The following ATP6V0A1 variants were observed in gnomAD, a reference collection of about 807,000 sequenced individuals.
The protein encoded by ATP6V0A1 is ATPase H+ transporting V0 subunit a1.
ATP6V0A1 carries 43 observed loss-of-function variants against 105.4 expected under a neutral mutation model. The observed-to-expected ratio is 0.41, with a 90% CI of 0.32 to 0.53. The LOEUF is 0.53. Among genes scored for constraint, ATP6V0A1 ranks in the 20% least tolerant of loss-of-function variants. The pLI is 0.30. For missense variants in ATP6V0A1, 676 were observed against 1,051.1 expected, an observed-to-expected ratio of 0.64 and a Z score of 4.93; for synonymous variants, 362 against 372.8, an observed-to-expected ratio of 0.97 and a Z score of 0.33.
intron 4 of ATP6V0A1, among the ~76,000 whole-genome samples, chr17:42,469,515 A>G (rs1472713670): frequency 6.6e-6 from 1 of 150,928 alleles, no homozygotes; most frequent in Non-Finnish European, 1.5e-5. Flanking sequence ...TTGTATTTTT[A>G]GTAGAGACGG....
chr17:42,514,106 G>A (rs1242023335), intron 20 of ATP6V0A1, 128 bp downstream of exon 20: 16 of 1,295,420 alleles, frequency 1.2e-5, no homozygotes, highest in Non-Finnish European at 1.8e-5. Context: ...TGAACCCAAG[G>A]AGAATGAGTA....
intron 21 of ATP6V0A1, 64 bp from the exon 22 acceptor site, chr17:42,520,963 T>G: frequency 2.1e-6 from 3 of 1,421,798 alleles, no homozygotes. Context: ...TGCCCAACTG[T>G]GAAGTCCTAA....
Position 42,521,171 on chromosome 17 carries a change from A to C in ATP6V0A1, c.*51A>C. The C allele has an allele frequency of 6.7e-7, 1 of 1,484,416 alleles. No individual in the cohort carries two copies. Among genetic ancestry groups the C allele is most frequent in the South Asian group, 1.2e-5 (1 of 80,034 alleles). 92.0% of individuals were successfully genotyped at this position (1,484,416 alleles called of 1,614,324 possible). On this transcript the variant is annotated 3_prime_UTR_variant, in exon 22 of 22. Coordinates refer to ENST00000343619, the MANE Select transcript of ATP6V0A1 (RefSeq NM_001130021.3). This position sits in a 1 kb window ranked among gnomAD's most constrained non-coding sequence, Gnocchi z 4.8. ...TGCTACCCTCCCCGCCTCCCTCCACAGTGATCAGCTGTGCCTCTCTGCCTG... is the reference window on the plus strand; with the variant it reads ...TGCTACCCTCCCCGCCTCCCTCCACCGTGATCAGCTGTGCCTCTCTGCCTG...
intron 9 of ATP6V0A1, among the ~76,000 whole-genome samples, chr17:42,485,085 G>A (rs572783025): frequency 6.6e-6 from 1 of 152,076 alleles, no homozygotes; most frequent in African/African-American, 2.4e-5. Context: ...CCTGACCTCA[G>A]ATGATCTGCC....
chr17:42,505,780 C>A (rs1378349121), intron 17 of ATP6V0A1, among the ~76,000 whole-genome samples: 2 of 147,840 alleles, frequency 1.4e-5, no homozygotes, highest in African/African-American at 4.9e-5. Context: ...CATCCTTTTT[C>A]ATATGTCTTT....
intron 9 of ATP6V0A1, among the ~76,000 whole-genome samples, chr17:42,484,990 C>T (rs779471202): frequency 3.6e-4 from 54 of 152,024 alleles, no homozygotes; most frequent in Non-Finnish European, 7.4e-5. Context: ...GCTGTGATTA[C>T]AGATGCCTGC....
chr17:42,518,607 C>CA (rs2092718521), intron 21 of ATP6V0A1: 2 of 152,406 alleles, frequency 1.3e-5, no homozygotes, highest in Non-Finnish European at 2.9e-5. Context: ...CTCGAGGAAA[C>CA]AGAGTTCCTG....
chr17:42,482,100 C>CA (rs2089588251), intron 8 of ATP6V0A1, among the ~76,000 whole-genome samples: 2 of 152,162 alleles, frequency 1.3e-5, no homozygotes, highest in South Asian at 2.1e-4. Flanking sequence ...CCTCAGCTCT[C>CA]AAAGTACTGG....
chr17:42,483,364 C>T (rs1265103762), intron 9 of ATP6V0A1, among the ~76,000 whole-genome samples: 1 of 151,908 alleles, frequency 6.6e-6, no homozygotes, highest in Non-Finnish European at 1.5e-5. Context: ...CATCTAGAAT[C>T]GTTGTTGCCT....
intron 21 of ATP6V0A1, 115 bp from the exon 22 acceptor site, chr17:42,520,912 G>T: frequency 1.1e-6 from 1 of 898,298 alleles, no homozygotes; most frequent in Non-Finnish European, 1.7e-6. Context: ...CTTCCCCAGG[G>T]AAGGGAGGCT....
chr17:42,480,537 T>C, intron 7 of ATP6V0A1, 130 bp from the exon 8 acceptor site: 1 of 741,698 alleles, frequency 1.3e-6, no homozygotes, highest in Non-Finnish European at 2.1e-6. Flanking sequence ...AGGGCAGTGG[T>C]TAAAATGCAG....
chr17:42,485,009 C>G (rs539314351), intron 9 of ATP6V0A1, among the ~76,000 whole-genome samples: 1 of 152,156 alleles, frequency 6.6e-6, no homozygotes, highest in African/African-American at 2.4e-5. Flanking sequence ...GCCACCATAC[C>G]TGGCTAATTT....
At chr17:42,463,250 A>AT (rs1324185458) in intron 2 of ATP6V0A1, among the ~76,000 whole-genome samples, 5 of 147,056 alleles carry the variant, frequency 3.4e-5, no homozygotes, top group South Asian at 4.3e-4. Flanking sequence ...CAGGTGATCC[A>AT]TCCCCCCTCA....
intron 14 of ATP6V0A1, among the ~76,000 whole-genome samples, chr17:42,498,397 G>A (rs1333640718): frequency 1.3e-5 from 2 of 152,008 alleles, no homozygotes; most frequent in Non-Finnish European, 2.9e-5. Context: ...AATTTTTGAA[G>A]CATTCTCCTC....
intron 2 of ATP6V0A1, among the ~76,000 whole-genome samples, chr17:42,462,044 C>CAAAAAAAAAA (rs1040242459): frequency 1.9e-5 from 1 of 52,904 alleles, no homozygotes; most frequent in Non-Finnish European, 3.8e-5. Context: ...CCGTCTCTGC[C>CAAAAAAAAAA]AAAAAAAAAA....
chr17:42,520,221 CT>C, intron 21 of ATP6V0A1: 1 of 352,750 alleles, frequency 2.8e-6, no homozygotes, highest in South Asian at 2.2e-5. Context: ...TTTTTATCCC[CT>C]GAATCATGCA....
At chr17:42,489,283 G>T (rs1460003834) in intron 10 of ATP6V0A1, among the ~76,000 whole-genome samples, 1 of 151,836 alleles carries the variant, frequency 6.6e-6, no homozygotes, top group African/African-American at 2.4e-5. Flanking sequence ...GTTTCATCAC[G>T]TTGACCAAGC....
intron 8 of ATP6V0A1, among the ~76,000 whole-genome samples, chr17:42,482,389 C>T (rs1170900718): frequency 3.3e-5 from 5 of 152,122 alleles, no homozygotes; most frequent in Non-Finnish European, 7.4e-5. Context: ...TCAAGCAATC[C>T]ACCTGCCTCA....
At chr17:42,464,656 G>A (rs2086828180) in intron 2 of ATP6V0A1, among the ~76,000 whole-genome samples, 1 of 152,082 alleles carries the variant, frequency 6.6e-6, no homozygotes, top group Admixed American at 6.6e-5. Context: ...GCCCGCCTTG[G>A]TCTCCCAAAG....
Sources: allele counts gnomAD v4.1 joint callset (sites outside exome capture counted in the v4.1 genomes callset), GRCh38; gene constraint gnomAD v4.1.1; non-coding constraint Gnocchi (gnomAD v3.1); transcripts MANE v1.5; gene names NCBI Gene and HGNC (gene_info 2026-07-23, HGNC 2026-07-21).